HRH4: variants seen among roughly 807,000 people sequenced by gnomAD.
HRH4 encodes histamine receptor H4, also known as histamine H4 receptor.
HRH4 carries 12 observed loss-of-function variants against 10.4 expected under a neutral mutation model. The ratio of observed to expected loss-of-function variants is 1.15; its 90% CI spans 0.74 to 1.87. The LOEUF is 1.87. Among genes scored for constraint, HRH4 ranks in the 40% most tolerant of loss-of-function variants. The pLI is 0.00. For synonymous variants in HRH4, 154 were observed against 166.6 expected, an observed-to-expected ratio of 0.92 and a Z score of 0.58; for missense variants, 415 against 453.3, an observed-to-expected ratio of 0.92 and a Z score of 0.77.
chr18:24,470,767 G>C (rs1381043965), intron 2 of HRH4, among the ~76,000 whole-genome samples: 1 of 151,128 alleles, frequency 6.6e-6, no homozygotes, highest in Non-Finnish European at 1.5e-5. Flanking sequence ...GCCTCCCAAA[G>C]TGCTGGGATT....
intron 2 of HRH4, among the ~76,000 whole-genome samples, chr18:24,471,343 G>A (rs1006137540): frequency 2.6e-5 from 4 of 151,654 alleles, no homozygotes; most frequent in Middle Eastern, 3.4e-3. Context: ...GTTGGCTCAC[G>A]CTTGTAATCC....
At chr18:24,475,539 C>G (rs554754160) in intron 2 of HRH4, among the ~76,000 whole-genome samples, 7 of 152,150 alleles carry the variant, frequency 4.6e-5, no homozygotes, top group African/African-American at 1.7e-4. Flanking sequence ...GCAGGAGGAT[C>G]ACTTGAGCCT....
rs751206706 is a variant in HRH4, at chr18:24,477,492, C to T, written c.1103C>T (p.Ala368Val). 1.2e-6 allele frequency: 2 copies of T among 1,610,120 alleles called. No individual in the cohort carries two copies. Among genetic ancestry groups the T allele is most frequent in the East Asian group, 2.2e-5 (1 of 44,856 alleles). Residue 368 changes from alanine (A) to valine (V), a missense_variant, in exon 3 of 3, where the codon GCT (alanine) becomes GTT (valine). By Grantham distance (64) the Ala-to-Val change is moderately conservative (BLOSUM62 0). Transcript: ENST00000256906. ...YPLCHKRFQK[A>V]FLKIFCIKKQ... ...TTGTGTCACAAGCGCTTTCAAAAGG[C>T]TTTCTTGAAAATATTTTGTATAAAA... is the stretch of plus-strand genomic sequence containing the variant.
At chr18:24,473,187 A>C (rs947151049) in intron 2 of HRH4, among the ~76,000 whole-genome samples, 2 of 152,118 alleles carry the variant, frequency 1.3e-5, no homozygotes, top group Non-Finnish European at 2.9e-5. Context: ...ATACAGAATT[A>C]AGATAGTAAA....
intron 1 of HRH4, among the ~76,000 whole-genome samples, chr18:24,464,924 G>A (rs1190313888): frequency 6.6e-6 from 1 of 152,094 alleles, no homozygotes; most frequent in African/African-American, 2.4e-5. Flanking sequence ...AATGCAGAGA[G>A]GAGGGAAAGG....
chr18:24,468,359 A>G (rs1909835800), intron 1 of HRH4, among the ~76,000 whole-genome samples: 1 of 152,230 alleles, frequency 6.6e-6, no homozygotes, highest in South Asian at 2.1e-4. Context: ...TATACTTTAA[A>G]TCATCAGTAG....
rs764386766 is a variant in HRH4, at chr18:24,476,764, A to C, written c.375A>C (p.Gln125His). The change falls in exon 3 of 3, where the codon CAA (glutamine) becomes CAC (histidine). Residue 125 changes from glutamine (Q) to histidine (H), a missense_variant. Transcript: ENST00000256906. The part of the protein sequence containing the change: ...SVSNAVSYRT[Q>H]HTGVLKIVTL... Reference sequence around the variant, plus strand: ...TCTTCTAGGTGTCTTATAGAACTCAACATACTGGGGTCTTGAAGATTGTTA... The same window carrying C: ...TCTTCTAGGTGTCTTATAGAACTCACCATACTGGGGTCTTGAAGATTGTTA... 6.2e-7 allele frequency: 1 copy of C among 1,613,732 alleles called. No homozygotes were observed. Among genetic ancestry groups the C allele is most frequent in the East Asian group, 2.2e-5 (1 of 44,894 alleles).
chr18:24,462,071 A>G (rs541029980), intron 1 of HRH4, among the ~76,000 whole-genome samples: 2 of 152,356 alleles, frequency 1.3e-5, no homozygotes, highest in Admixed American at 1.3e-4. Flanking sequence ...GGCATTTAAC[A>G]TGAACTTTGA....
In HRH4 at chr18:24,471,440, A is replaced by T. The variant is rs1909948751; in HGVS notation, c.357+2489A>T. On this transcript the variant is annotated intron_variant, in intron 2 of 2. Transcript: ENST00000256906. ...GCCAATATGGTGAAACCCCGCCTCTACTAAAAATACAAAAAAATTAGCCAG... is the reference window on the plus strand; with the variant it reads ...GCCAATATGGTGAAACCCCGCCTCTTCTAAAAATACAAAAAAATTAGCCAG... 2.0e-5 allele frequency among the ~76,000 whole-genome samples: 3 copies of T among 151,810 alleles called. No individual in the cohort carries two copies. The South Asian group carries it at 6.2e-4, about 32-fold the overall frequency.
At chr18:24,468,688 T>C (rs1244222011) in intron 1 of HRH4, 100 bp from the exon 2 acceptor site, 2 of 1,053,576 alleles carry the variant, frequency 1.9e-6, no homozygotes, top group Admixed American at 5.1e-5. Context: ...TCATTTGTAG[T>C]GAATTCAGAT....
chr18:24,477,314 T>C lies in HRH4; in HGVS notation c.925T>C (p.Leu309=). 6.2e-7 allele frequency: 1 copy of C among 1,614,196 alleles called. No homozygotes were observed. Among genetic ancestry groups the C allele is most frequent in the Non-Finnish European group, 8.5e-7 (1 of 1,180,002 alleles). The stretch of plus-strand genomic sequence containing the variant: ...ATTAGCCAAGTCACTGGCCATTCTC[T>C]TAGGGGTTTTTGCTGTTTGCTGGGC... The part of the protein sequence containing the change: ...RRLAKSLAIL[L]GVFAVCWAPY... The change falls in exon 3 of 3, where the codon TTA becomes CTA. Residue 309 remains leucine, a synonymous_variant. Coordinates refer to ENST00000256906, the MANE Select transcript of HRH4 (RefSeq NM_021624.4).
intron 2 of HRH4, among the ~76,000 whole-genome samples, chr18:24,475,324 G>A (rs1399916700): frequency 7.9e-6 from 1 of 125,862 alleles, no homozygotes; most frequent in Non-Finnish European, 1.6e-5. Context: ...GGAAACACTT[G>A]CATCAAGAAG....
At position 24,476,817 on chromosome 18, in the gene HRH4, C is replaced by T. The variant is rs777602176; in HGVS notation, c.428C>T (p.Ala143Val). 3 of 1,614,122 alleles carry T rather than the reference C, an allele frequency of 1.9e-6. No individual in the cohort carries two copies. The highest frequency in any genetic ancestry group is 1.7e-6 in the Non-Finnish European group (2 of 1,180,018). Reference sequence around the variant, plus strand: ...CTGATGGTGGCCGTTTGGGTGCTGGCCTTCTTAGTGAATGGGCCAATGATT... The same window carrying T: ...CTGATGGTGGCCGTTTGGGTGCTGGTCTTCTTAGTGAATGGGCCAATGATT... ...VTLMVAVWVL[A>V]FLVNGPMILV... The change falls in exon 3 of 3, where the codon GCC becomes GTC. Residue 143 changes from alanine (A) to valine (V), a missense_variant. Ala to Val is a moderately conservative substitution (Grantham distance 64). Coordinates refer to ENST00000256906, the MANE Select transcript of HRH4 (RefSeq NM_021624.4).
rs375545444 is a variant in HRH4 at position 24,464,401 on chromosome 18, C to T, written c.193+3480C>T. Among the ~76,000 whole-genome samples the T allele has an allele frequency of 1.2e-4, 19 of 152,250 alleles. No individual in the cohort carries two copies. In the East Asian group the frequency reaches 3.7e-3, roughly 29 times the overall value. On this transcript the variant is annotated intron_variant, in intron 1 of 2. Transcript: ENST00000256906. ...TGGATCAGGGCCCCACTCTTATGAA[C>T]TGTTTTACTCTTAATTTTGTCCTTG...
chr18:24,477,455 C>G lies in HRH4; in HGVS notation c.1066C>G (p.Leu356Val). The change falls in exon 3 of 3, where the codon CTT (leucine) becomes GTT (valine). Residue 356 changes from leucine (L) to valine (V), a missense_variant. Coordinates refer to ENST00000256906, the MANE Select transcript of HRH4 (RefSeq NM_021624.4). ...GTGGTTCAATTCCTTTGTCAATCCTCTTTTGTATCCATTGTGTCACAAGCG... is the reference window on the plus strand; with the variant it reads ...GTGGTTCAATTCCTTTGTCAATCCTGTTTTGTATCCATTGTGTCACAAGCG... ...LQWFNSFVNP[L>V]LYPLCHKRFQ... 1 of 1,614,074 alleles carries G rather than the reference C, an allele frequency of 6.2e-7. No individual in the cohort carries two copies. The highest frequency in any genetic ancestry group is 8.5e-7 in the Non-Finnish European group (1 of 1,179,972).
At chr18:24,462,340 CAGGAG>C (rs1206654325) in intron 1 of HRH4, among the ~76,000 whole-genome samples, 2 of 152,086 alleles carry the variant, frequency 1.3e-5, no homozygotes, top group East Asian at 3.9e-4. Flanking sequence ...GATTTTAAAA[CAGGAG>C]AGTGGTTGAA....
At chr18:24,475,603 G>C (rs755928715) in intron 2 of HRH4, among the ~76,000 whole-genome samples, 9 of 152,136 alleles carry the variant, frequency 5.9e-5, no homozygotes, top group Non-Finnish European at 1.2e-4. Flanking sequence ...GCAGCCCTGG[G>C]CAACAGAACG....
In HRH4 at chr18:24,478,917, A is replaced by T. The variant is rs1036000805; in HGVS notation, c.*1355A>T. The T allele has an allele frequency of 2.0e-5, 3 of 152,020 alleles. No homozygotes were observed. The highest frequency in any genetic ancestry group is 4.8e-5 in the African/African-American group (2 of 41,386). 9.4% of individuals were successfully genotyped at this position (152,020 alleles called of 1,614,324 possible). On this transcript the variant is annotated 3_prime_UTR_variant, in exon 3 of 3. Transcript: ENST00000256906. The stretch of plus-strand genomic sequence containing the variant: ...TGTCAATAATTATTTTTTAAAAAAA[A>T]TTTTTAAAAAGGTTTTTTGAGACAG...
intron 1 of HRH4, among the ~76,000 whole-genome samples, chr18:24,462,874 G>A (rs1038881196): frequency 4.6e-5 from 7 of 152,098 alleles, no homozygotes; most frequent in African/African-American, 1.7e-4. Context: ...ACAAATACAC[G>A]AGTTTATTTA....
Sources: allele counts gnomAD v4.1 joint callset (sites outside exome capture counted in the v4.1 genomes callset), GRCh38; gene constraint gnomAD v4.1.1; transcripts MANE v1.5; gene names NCBI Gene and HGNC (gene_info 2026-07-23, HGNC 2026-07-21).